Variants in NCOR2 observed in about 807,000 individuals in gnomAD.
NCOR2 encodes CTG repeat protein 26.
NCOR2 carries 81 observed loss-of-function variants against 262.9 expected under a neutral mutation model. The observed-to-expected ratio is 0.31, with a 90% CI of 0.26 to 0.37. The LOEUF (loss-of-function observed/expected upper bound fraction) is 0.37, where lower values mean the gene tolerates loss of function less well. NCOR2 is among the 10% of genes least tolerant of loss of function. The probability of loss-of-function intolerance (pLI) is 1.00; values close to 1 mark genes in which losing one functional copy is unlikely to be tolerated. For synonymous variants in NCOR2, 1,659 were observed against 1,559.3 expected (o/e 1.06, Z -1.51); for missense variants, 3,385 against 3,621.4 (o/e 0.93, Z 1.68).
exon 5 of NCOR2, chr12:124,466,248 A>T: frequency 6.2e-7 from 1 of 1,609,200 alleles, no homozygotes; most frequent in Non-Finnish European, 8.5e-7. Flanking sequence ...CGGGCTTCTC[A>T]GGCTCGGGCG....
chr12:124,407,885 G>C (rs981639018), intron 13 of NCOR2, among the ~76,000 whole-genome samples: 26 of 152,270 alleles, frequency 1.7e-4, no homozygotes, highest in Middle Eastern at 6.8e-3. Flanking sequence ...GCCTGGGGTT[G>C]GTGTGGAAAG....
chr12:124,419,377 A>C (rs926215527), intron 13 of NCOR2, among the ~76,000 whole-genome samples: 4 of 152,212 alleles, frequency 2.6e-5, no homozygotes, highest in African/African-American at 9.6e-5. Context: ...TGTTCCAATA[A>C]AACTTTATTC....
At chr12:124,417,729 C>G (rs1272393581) in intron 13 of NCOR2, among the ~76,000 whole-genome samples, 2 of 152,208 alleles carry the variant, frequency 1.3e-5, no homozygotes, top group Non-Finnish European at 2.9e-5. Flanking sequence ...CTTTTTGCCT[C>G]TCAGTCTAGA....
chr12:124,452,933 A>G (rs1158994171), intron 6 of NCOR2, among the ~76,000 whole-genome samples: 1 of 152,090 alleles, frequency 6.6e-6, no homozygotes, highest in African/African-American at 2.4e-5. Context: ...CCCCCCTGGG[A>G]GGCACTCACC....
At chr12:124,386,801 C>T (rs1488534854) in intron 16 of NCOR2, among the ~76,000 whole-genome samples, 1 of 152,264 alleles carries the variant, frequency 6.6e-6, no homozygotes, top group Non-Finnish European at 1.5e-5. Flanking sequence ...GGCCTGTCTG[C>T]CCGGCGAGCT....
rs771684043 is a variant in NCOR2, at chr12:124,457,062, AC to A, written c.762+43del. 61 of 351,134 alleles carry A rather than the reference AC, an allele frequency of 1.7e-4. No individual in the cohort carries two copies. The highest frequency in any genetic ancestry group is 2.7e-4 in the Non-Finnish European group (57 of 210,358). The allele number at this position is 351,134 out of a possible 1,614,324, so 21.8% of individuals were successfully genotyped here. A position where few individuals can be genotyped will look rare whatever the true frequency, so the allele number is the denominator to read the frequency against. On this transcript the variant is annotated intron_variant, in intron 6 of 46. Coordinates refer to ENST00000405201, the Ensembl canonical transcript of NCOR2. This position sits in a 1 kb window ranked among gnomAD's most constrained non-coding sequence, Gnocchi z 4.0. ...CGCCTCCCTGCCCACCTCTCCAGCCACCCCCGCCCTCCCCTGAGCCCCTGAC... is the reference window on the plus strand; with the variant it reads ...CGCCTCCCTGCCCACCTCTCCAGCCACCCCGCCCTCCCCTGAGCCCCTGAC...
chr12:124,550,224 A>G (rs919582358), intron 1 of NCOR2, among the ~76,000 whole-genome samples: 3 of 152,196 alleles, frequency 2.0e-5, no homozygotes, highest in African/African-American at 7.2e-5. Context: ...CAAATGCATG[A>G]GAGTGTCAGT....
chr12:124,428,140 G>C (rs2043698710), intron 10 of NCOR2, among the ~76,000 whole-genome samples: 1 of 147,126 alleles, frequency 6.8e-6, no homozygotes, highest in Admixed American at 6.9e-5. Context: ...GGTGAGGAAT[G>C]CAGAGGAGAG....
chr12:124,449,850 G>A (rs762118140), exon 7 of NCOR2: 7 of 1,614,090 alleles, frequency 4.3e-6, no homozygotes, highest in Non-Finnish European at 5.9e-6. Flanking sequence ...GGGTGTCGGA[G>A]GGCTGGTTGT....
intron 1 of NCOR2, among the ~76,000 whole-genome samples, chr12:124,500,526 C>T (rs1311176935): frequency 6.6e-6 from 1 of 152,212 alleles, no homozygotes; most frequent in African/African-American, 2.4e-5. Flanking sequence ...TCCTGCTGGA[C>T]CCAGAGCCCC....
upstream of NCOR2, among the ~76,000 whole-genome samples, chr12:124,499,248 C>T (rs372534560): frequency 1.7e-4 from 26 of 152,238 alleles, no homozygotes; most frequent in Non-Finnish European, 3.1e-4. Context: ...AGGATGGATC[C>T]GGGCTGGAGG....
intron 17 of NCOR2, among the ~76,000 whole-genome samples, chr12:124,384,868 T>G (rs1009015365): frequency 2.0e-5 from 3 of 151,984 alleles, no homozygotes; most frequent in Admixed American, 6.6e-5. Context: ...CCTCAGTGCT[T>G]CTGTATCGAT....
At chr12:124,354,965 C>T in intron 24 of NCOR2, 26 bp from the exon 27 acceptor site, 1 of 1,595,704 alleles carries the variant, frequency 6.3e-7, no homozygotes, top group Non-Finnish European at 8.6e-7. Context: ...TGTGGGGTCA[C>T]AGGGGCACCC....
In NCOR2 at chr12:124,443,234, GC is replaced by G. The variant is rs932607110; in HGVS notation, c.816-5239del. On this transcript the variant is annotated intron_variant, in intron 7 of 46. Coordinates refer to ENST00000405201, the Ensembl canonical transcript of NCOR2. This position sits in a 1 kb window ranked among gnomAD's most constrained non-coding sequence, Gnocchi z 4.4. ...TGGAAAACGACTCGGTGAGCATGAG[GC>G]CTCGGGGTGGTGGTGATGTGCATGC... Among the ~76,000 whole-genome samples the G allele has an allele frequency of 1.3e-5, 2 of 152,214 alleles. No homozygotes were observed. Among genetic ancestry groups the G allele is most frequent in the Non-Finnish European group, 2.9e-5 (2 of 68,042 alleles).
At chr12:124,537,653 G>T (rs756412646), upstream of NCOR2, among the ~76,000 whole-genome samples, 1 of 152,074 alleles carries the variant, frequency 6.6e-6, no homozygotes, top group East Asian at 1.9e-4. Context: ...TGCCACTCCA[G>T]TGTGTGCCAC....
chr12:124,485,369 A>G (rs540360480), intron 2 of NCOR2, among the ~76,000 whole-genome samples: 4 of 152,348 alleles, frequency 2.6e-5, no homozygotes, highest in Admixed American at 2.0e-4. Flanking sequence ...GCCACGTGAG[A>G]CAGAGGCAGA....
At position 124,428,854 on chromosome 12, in the gene NCOR2, G is replaced by A. The variant is rs138994633; in HGVS notation, c.1149+759C>T. The stretch of plus-strand genomic sequence containing the variant: ...ACAAAAGTCCCCAGAAGGAAGAAAC[G>A]TGCCGTGGCTGCCTCGTGTCTGCTG... On this transcript the variant is annotated intron_variant, in intron 10 of 46. Transcript: ENST00000405201. 1.8e-4 allele frequency among the ~76,000 whole-genome samples: 28 copies of A among 152,340 alleles called. No homozygotes were observed. In the East Asian group the frequency reaches 4.0e-3, roughly 22 times the overall value.
intron 36 of NCOR2, 25 bp from the exon 39 acceptor site, chr12:124,340,229 AG>A (rs776844564): frequency 3.7e-6 from 6 of 1,605,824 alleles, no homozygotes; most frequent in Non-Finnish European, 5.1e-6. Flanking sequence ...TGGCATCAGC[AG>A]GGGGAGGCCT....
exon 47 of NCOR2, chr12:124,325,329 G>T: frequency 9.4e-7 from 1 of 1,069,104 alleles, no homozygotes; most frequent in Non-Finnish European, 1.2e-6. Flanking sequence ...GTCGGCAGCC[G>T]CCCTGCTCCT....
Sources: gnomAD v4.1 joint callset for allele counts (sites outside exome capture counted in the v4.1 genomes callset) on GRCh38, gnomAD v4.1.1 for gene constraint, Gnocchi (gnomAD v3.1) non-coding constraint, MANE v1.5 for transcripts, NCBI Gene and HGNC (gene_info 2026-07-23, HGNC 2026-07-21) for gene names.